The following RASA3 variants were observed in gnomAD, a reference collection of about 807,000 sequenced individuals.
RASA3 encodes the protein RAS p21 protein activator 3.
In RASA3, 73 loss-of-function variants were observed where a neutral mutation model predicts 110.0. The ratio of observed to expected loss-of-function variants is 0.66; its 90% CI spans 0.55 to 0.81. The LOEUF (loss-of-function observed/expected upper bound fraction) is 0.81. Among genes scored for constraint, RASA3 ranks in the 30% least tolerant of loss-of-function variants. The probability of loss-of-function intolerance (pLI) is 0.00; values close to 1 mark genes in which losing one functional copy is unlikely to be tolerated. For missense variants in RASA3, 976 were observed against 1,113.2 expected, an observed-to-expected ratio of 0.88 and a Z score of 1.75; for synonymous variants, 500 against 451.4, an observed-to-expected ratio of 1.11 and a Z score of -1.37.
intron 7 of RASA3, among the ~76,000 whole-genome samples, chr13:114,025,300 G>A (rs561286052): frequency 6.6e-6 from 1 of 152,338 alleles, no homozygotes; most frequent in South Asian, 2.1e-4. Flanking sequence ...TCTGCTTCGG[G>A]TTGAGGGCTG....
In RASA3 at chr13:114,056,280, A is replaced by C. The variant is rs1173029925; in HGVS notation, c.174-4125T>G. Among the ~76,000 whole-genome samples, 3 of 152,096 alleles carry C rather than the reference A, an allele frequency of 2.0e-5. No individual in the cohort carries two copies. The highest frequency in any genetic ancestry group is 4.4e-5 in the Non-Finnish European group (3 of 68,014). On this transcript the variant is annotated intron_variant, in intron 2 of 23. Coordinates refer to ENST00000334062, the MANE Select transcript of RASA3 (RefSeq NM_007368.4). The surrounding 1 kb of genome is among the most constrained non-coding windows in gnomAD (Gnocchi z 5.7). Reference sequence around the variant, plus strand: ...TGTGTGTCTGATGTGTGTCTGATGCATATTTGGTGCGTGTCCGGTGCGTGG... The same window carrying C: ...TGTGTGTCTGATGTGTGTCTGATGCCTATTTGGTGCGTGTCCGGTGCGTGG...
At chr13:114,045,825 T>C (rs542905803) in intron 3 of RASA3, among the ~76,000 whole-genome samples, 1 of 152,344 alleles carries the variant, frequency 6.6e-6, no homozygotes, top group South Asian at 2.1e-4. Context: ...CAGAAATCTT[T>C]AACCACTCCA....
At chr13:114,072,688 G>GC (rs1471921191) in intron 2 of RASA3, among the ~76,000 whole-genome samples, 1 of 152,098 alleles carries the variant, frequency 6.6e-6, no homozygotes, top group Admixed American at 6.5e-5. Flanking sequence ...TCACATCCAC[G>GC]CACCACCAAG....
chr13:114,121,836 C>T lies in RASA3; in HGVS notation c.55+10599G>A, dbSNP rs550394025. The stretch of plus-strand genomic sequence containing the variant: ...CAGCTGTGAGCATACACAGGCCCCC[C>T]GCCACACGCTCAGGAAGGAGCTTCT... On this transcript the variant is annotated intron_variant, in intron 1 of 23. Transcript: ENST00000334062. Among the ~76,000 whole-genome samples, 9 of 152,338 alleles carry T rather than the reference C, an allele frequency of 5.9e-5. No homozygotes were observed. In the South Asian group the frequency reaches 8.3e-4, roughly 14 times the overall value.
intron 2 of RASA3, among the ~76,000 whole-genome samples, chr13:114,071,501 T>C (rs555170979): frequency 6.6e-6 from 1 of 152,298 alleles, no homozygotes; most frequent in South Asian, 2.1e-4. Context: ...AAACACAGAA[T>C]GGACTTTTAT....
intron 2 of RASA3, among the ~76,000 whole-genome samples, chr13:114,069,530 C>A (rs1441562113): frequency 2.8e-4 from 17 of 59,920 alleles, no homozygotes; most frequent in African/African-American, 1.1e-3. Context: ...ACACAGGGGC[C>A]AGGAGACTCA....
At chr13:114,010,267 A>G (rs2053602559) in intron 16 of RASA3, among the ~76,000 whole-genome samples, 1 of 151,956 alleles carries the variant, frequency 6.6e-6, no homozygotes, top group Non-Finnish European at 1.5e-5. Context: ...GGGCCCCACC[A>G]AGAACAGGGA....
At chr13:114,038,007 C>T (rs951241670) in intron 4 of RASA3, among the ~76,000 whole-genome samples, 1 of 152,092 alleles carries the variant, frequency 6.6e-6, no homozygotes. Context: ...TGGGAATTCG[C>T]CCCTCGCCAC....
Position 113,984,082 on chromosome 13 carries a change from C to T in RASA3, c.2246-2224G>A, listed in dbSNP as rs142914482. 2.3e-3 allele frequency among the ~76,000 whole-genome samples: 193 copies of T among 84,774 alleles called. 10 individuals are homozygous for T. Among genetic ancestry groups the T allele is most frequent in the African/African-American group, 6.5e-3 (183 of 28,092 alleles). The allele number at this position is 84,774 out of a possible 152,430, so 55.6% of individuals were successfully genotyped here. A position where few individuals can be genotyped will look rare whatever the true frequency, so the allele number is the denominator to read the frequency against. On this transcript the variant is annotated intron_variant, in intron 22 of 23. Transcript: ENST00000334062. ...CCCATTACTCACCCATCCATCCCTCCACCCATCACTCACCCATCCATCCAT... is the reference window on the plus strand; with the variant it reads ...CCCATTACTCACCCATCCATCCCTCTACCCATCACTCACCCATCCATCCAT...
intron 13 of RASA3, 37 bp downstream of exon 13, chr13:114,016,160 G>C: frequency 6.6e-7 from 1 of 1,523,300 alleles, no homozygotes; most frequent in Non-Finnish European, 9.1e-7. Context: ...ACCCCAAGCA[G>C]GTGACTGGCT....
intron 1 of RASA3, among the ~76,000 whole-genome samples, chr13:114,129,813 T>C (rs1347041484): frequency 6.6e-6 from 1 of 152,180 alleles, no homozygotes; most frequent in Non-Finnish European, 1.5e-5. Context: ...CCCTGGGTCA[T>C]GCAGCAAGTC....
At chr13:114,116,131 C>T (rs1439620806) in intron 1 of RASA3, among the ~76,000 whole-genome samples, 2 of 152,254 alleles carry the variant, frequency 1.3e-5, no homozygotes, top group African/African-American at 2.4e-5. Context: ...AGCCTTGCAA[C>T]GCGCAGCTAA....
At chr13:114,104,668 G>C (rs1198276636) in intron 1 of RASA3, among the ~76,000 whole-genome samples, 1 of 152,170 alleles carries the variant, frequency 6.6e-6, no homozygotes, top group African/African-American at 2.4e-5. Flanking sequence ...GCGTCTCAAT[G>C]GCACCTTCAG....
chr13:114,088,374 C>T (rs2079847350), intron 1 of RASA3, among the ~76,000 whole-genome samples: 1 of 152,122 alleles, frequency 6.6e-6, no homozygotes, highest in East Asian at 1.9e-4. Flanking sequence ...GTCTTCCCCG[C>T]CCTGGAGCTC....
rs1228554579 is a variant in RASA3, at chr13:114,014,078, GTC to G, written c.1406-832_1406-831del. ...TCTGTCTCTGCCTCTCTCTCCGTCT[GTC>G]TCTGCCTCTCTCTCCGTCTCTCCCT... On this transcript the variant is annotated intron_variant, in intron 14 of 23. Transcript: ENST00000334062. This position sits in a 1 kb window ranked among gnomAD's most constrained non-coding sequence, Gnocchi z 4.5. 9.7e-6 allele frequency among the ~76,000 whole-genome samples: 1 copy of G among 102,840 alleles called. No individual in the cohort carries two copies. Among genetic ancestry groups the G allele is most frequent in the Non-Finnish European group, 2.2e-5 (1 of 45,056 alleles). 67.5% of individuals were successfully genotyped at this position (102,840 alleles called of 152,430 possible). A position where few individuals can be genotyped will look rare whatever the true frequency, so the allele number is the denominator to read the frequency against.
chr13:114,057,113 T>C lies in RASA3; in HGVS notation c.174-4958A>G, dbSNP rs1475157972. ...CCAGAACAGGCTCCAGCACAGGCGA[T>C]GGGTGAGTGTTTTGCATGTCTGATG... On this transcript the variant is annotated intron_variant, in intron 2 of 23. Coordinates refer to ENST00000334062, the MANE Select transcript of RASA3 (RefSeq NM_007368.4). The surrounding 1 kb of genome is among the most constrained non-coding windows in gnomAD (Gnocchi z 5.0). The C allele has an allele frequency of 2.6e-6, 2 of 772,588 alleles. No homozygotes were observed. Among genetic ancestry groups the C allele is most frequent in the Non-Finnish European group, 3.1e-6 (2 of 635,920 alleles). The allele number at this position is 772,588 out of a possible 1,614,324, so 47.9% of individuals were successfully genotyped here.
chr13:114,124,104 C>A (rs371470723), intron 1 of RASA3, among the ~76,000 whole-genome samples: 1 of 152,184 alleles, frequency 6.6e-6, no homozygotes, highest in Non-Finnish European at 1.5e-5. Flanking sequence ...ACCCAGGACA[C>A]GCAGGTCAGC....
rs139566259 is a variant in RASA3 at position 114,011,705 on chromosome 13, T to C, written c.1513-457A>G. 5.8e-3 allele frequency among the ~76,000 whole-genome samples: 876 copies of C among 152,092 alleles called. 24 individuals carry two copies. Among genetic ancestry groups the C allele is most frequent in the East Asian group, 0.058 (297 of 5,164 alleles). ...CGGGAGGCCGAGGCAGGTAGATCACTTGAGGTCAGGAGTTCGAGACCAGCC... is the reference window on the plus strand; with the variant it reads ...CGGGAGGCCGAGGCAGGTAGATCACCTGAGGTCAGGAGTTCGAGACCAGCC... On this transcript the variant is annotated intron_variant, in intron 15 of 23. Transcript: ENST00000334062. This position sits in a 1 kb window ranked among gnomAD's most constrained non-coding sequence, Gnocchi z 4.8.
At chr13:114,080,135 G>A (rs1594435374) in intron 1 of RASA3, among the ~76,000 whole-genome samples, 1 of 152,318 alleles carries the variant, frequency 6.6e-6, no homozygotes, top group East Asian at 1.9e-4. Flanking sequence ...AGAGGCCGCT[G>A]GGCTTGGATG....
Sources: allele counts gnomAD v4.1 joint callset (sites outside exome capture counted in the v4.1 genomes callset), GRCh38; gene constraint gnomAD v4.1.1; non-coding constraint Gnocchi (gnomAD v3.1); transcripts MANE v1.5; gene names NCBI Gene and HGNC (gene_info 2026-07-23, HGNC 2026-07-21).